Variants in RNF157 observed in about 807,000 individuals in gnomAD.
RNF157 encodes E3 ubiquitin ligase RNF157.
In RNF157, 55 loss-of-function variants were observed where a neutral mutation model predicts 88.3. The observed-to-expected ratio is 0.62, with a 90% CI of 0.50 to 0.78. RNF157 has a LOEUF of 0.78. Among genes scored for constraint, RNF157 ranks in the 30% least tolerant of loss-of-function variants. The pLI, the probability that RNF157 is intolerant of heterozygous loss-of-function variation, is 0.00. For synonymous variants in RNF157, 334 were observed against 341.2 expected (o/e 0.98, Z 0.23); for missense variants, 788 against 860.8 (o/e 0.92, Z 1.06).
In RNF157 at chr17:76,146,453, T is replaced by G. The variant is rs1483334739; in HGVS notation, c.1922-1100A>C. On this transcript the variant is annotated intron_variant, in intron 18 of 18. Coordinates refer to ENST00000269391, the MANE Select transcript of RNF157 (RefSeq NM_052916.3). This position sits in a 1 kb window ranked among gnomAD's most constrained non-coding sequence, Gnocchi z 4.2. Reference sequence around the variant, plus strand: ...AGATGAGCTCCTCCCTCCAGTGCCCTCCCTCCAGTGAGGCTAGGGCGCTCC... The same window carrying G: ...AGATGAGCTCCTCCCTCCAGTGCCCGCCCTCCAGTGAGGCTAGGGCGCTCC... 1 of 985,340 alleles carries G rather than the reference T, an allele frequency of 1.0e-6. No individual in the cohort carries two copies. The highest frequency in any genetic ancestry group is 1.7e-5 in the African/African-American group (1 of 57,220). 61.0% of individuals were successfully genotyped at this position (985,340 alleles called of 1,614,324 possible).
chr17:76,155,705 C>G lies in RNF157; in HGVS notation c.1555G>C (p.Val519Leu). 6.3e-7 allele frequency: 1 copy of G among 1,598,252 alleles called. No homozygotes were observed. Among genetic ancestry groups the G allele is most frequent in the Non-Finnish European group, 8.5e-7 (1 of 1,172,518 alleles). Reference sequence around the variant, plus strand: ...ATCTGGGAGGATGCCATGGACATGACAGACTGGGCCAAGCTGCTGCTGGCA... The same window carrying G: ...ATCTGGGAGGATGCCATGGACATGAGAGACTGGGCCAAGCTGCTGCTGGCA... ...GPASSSLAQS[V>L]MSMASSQIST... The change falls in exon 15 of 19, where the codon GTC (valine) becomes CTC (leucine). Residue 519 changes from valine (V) to leucine (L), a missense_variant. Physicochemically the swap from Val to Leu is conservative, Grantham distance 32. Transcript: ENST00000269391.
chr17:76,212,667 G>A (rs374973150), intron 1 of RNF157, among the ~76,000 whole-genome samples, 185 bp from the exon 2 acceptor site: 7 of 152,114 alleles, frequency 4.6e-5, no homozygotes, highest in East Asian at 3.9e-4. Context: ...TTCGAGACCA[G>A]CCTGGCCAAC....
rs773019051 is a variant in RNF157, at chr17:76,152,476, G to A, written c.1811-11C>T. On this transcript the variant is annotated splice_polypyrimidine_tract_variant and intron_variant, in intron 17 of 18. Coordinates refer to ENST00000269391, the MANE Select transcript of RNF157 (RefSeq NM_052916.3). ...CGCACGTCCTCTGGCCTGTAACGGA[G>A]TTAATGCAGTTAGAGAGGGGCTGGC... 13 of 1,543,846 alleles carry A rather than the reference G, an allele frequency of 8.4e-6. No homozygotes were observed. Among genetic ancestry groups the A allele is most frequent in the Middle Eastern group, 1.7e-4 (1 of 5,956 alleles).
In RNF157 at chr17:76,223,016, G is replaced by A. The variant is rs192589660; in HGVS notation, c.89-10534C>T. Among the ~76,000 whole-genome samples, 1,842 of 151,220 alleles carry A rather than the reference G, an allele frequency of 0.012. 76 individuals carry two copies. In the East Asian group the frequency reaches 0.14, roughly 11 times the overall value. ...CGCCGTTCTCCTGCCTCAGCCTTCC[G>A]AGTAGCTGGGACTACAGGCGCCCGC... On this transcript the variant is annotated intron_variant, in intron 1 of 18. Coordinates refer to ENST00000269391, the MANE Select transcript of RNF157 (RefSeq NM_052916.3).
intron 2 of RNF157, among the ~76,000 whole-genome samples, chr17:76,210,825 AAC>A (rs1446934471): frequency 6.6e-6 from 1 of 151,598 alleles, no homozygotes; most frequent in East Asian, 1.9e-4. Context: ...TTTTTTTTGA[AAC>A]AGAGTCTCAT....
intron 5 of RNF157, 51 bp from the exon 6 acceptor site, chr17:76,166,578 C>A: frequency 2.1e-6 from 3 of 1,404,940 alleles, no homozygotes; most frequent in Non-Finnish European, 3.0e-6. Flanking sequence ...AACACATTTA[C>A]ATGGCACAGC....
Position 76,146,864 on chromosome 17 carries a change from A to AC in RNF157, c.1922-1512dup. 1.0e-6 allele frequency: 1 copy of AC among 985,480 alleles called. No individual in the cohort carries two copies. Among genetic ancestry groups the AC allele is most frequent in the Non-Finnish European group, 1.2e-6 (1 of 829,938 alleles). The allele number at this position is 985,480 out of a possible 1,614,324, so 61.0% of individuals were successfully genotyped here. A position where few individuals can be genotyped will look rare whatever the true frequency, so the allele number is the denominator to read the frequency against. ...GCCGTGAGGTTGAGAGAGGCCACTC[A>AC]CAAGTGTCCAGGGTCAGCCTCAGGC... On this transcript the variant is annotated intron_variant, in intron 18 of 18. Coordinates refer to ENST00000269391, the MANE Select transcript of RNF157 (RefSeq NM_052916.3). The surrounding 1 kb of genome is among the most constrained non-coding windows in gnomAD (Gnocchi z 4.2).
At chr17:76,155,513 T>A in intron 15 of RNF157, 49 bp downstream of exon 15, 1 of 1,588,806 alleles carries the variant, frequency 6.3e-7, no homozygotes, top group South Asian at 1.1e-5. Flanking sequence ...ACTTTGGACA[T>A]GTGCACAAAG....
intron 4 of RNF157, 98 bp downstream of exon 4, chr17:76,167,553 T>G (rs910716910): frequency 1.3e-6 from 2 of 1,535,008 alleles, no homozygotes; most frequent in Non-Finnish European, 1.8e-6. Context: ...GTGGCTCGCC[T>G]GGTCTCCTGA....
Position 76,166,268 on chromosome 17 carries a change from C to A in RNF157, c.628+193G>T, listed in dbSNP as rs1002092615. On this transcript the variant is annotated intron_variant, in intron 6 of 18. Transcript: ENST00000269391. ...GGGATTATACGTGTGAGCCACTGTG[C>A]CCAGCCAAACCCACACTTTTCACAT... Among the ~76,000 whole-genome samples, 4 of 128,842 alleles carry A rather than the reference C, an allele frequency of 3.1e-5. No individual in the cohort carries two copies. In the East Asian group the frequency reaches 7.7e-4, roughly 25 times the overall value. 84.5% of individuals were successfully genotyped at this position (128,842 alleles called of 152,430 possible). A position where few individuals can be genotyped will look rare whatever the true frequency, so the allele number is the denominator to read the frequency against.
chr17:76,224,790 C>T (rs766016413), intron 1 of RNF157, among the ~76,000 whole-genome samples: 1 of 152,052 alleles, frequency 6.6e-6, no homozygotes, highest in Non-Finnish European at 1.5e-5. Context: ...TTGTGTTGCG[C>T]TGCATTCAAA....
intron 1 of RNF157, among the ~76,000 whole-genome samples, chr17:76,224,468 T>C (rs1296499594): frequency 1.3e-5 from 2 of 152,160 alleles, no homozygotes; most frequent in Non-Finnish European, 2.9e-5. Context: ...AAAATCTTCA[T>C]CTACATGACA....
intron 2 of RNF157, among the ~76,000 whole-genome samples, chr17:76,210,022 T>G (rs1159436394): frequency 6.6e-6 from 1 of 151,978 alleles, no homozygotes; most frequent in Non-Finnish European, 1.5e-5. Flanking sequence ...CCTCCCAGAG[T>G]GCTGGGATTA....
At position 76,155,234 on chromosome 17, in the gene RNF157, C is replaced by A. The variant is rs1220637007; in HGVS notation, c.1764+18G>T. ...CTGGTTGTGGGAAGGGGGCACCACT[C>A]CGTGCTGTTGGGGTTACCTCTGCAT... On this transcript the variant is annotated intron_variant, in intron 16 of 18. Transcript: ENST00000269391. 6 of 1,612,306 alleles carry A rather than the reference C, an allele frequency of 3.7e-6. No individual in the cohort carries two copies. The highest frequency in any genetic ancestry group is 5.1e-6 in the Non-Finnish European group (6 of 1,178,332).
chr17:76,200,921 C>T (rs542845553), intron 2 of RNF157, among the ~76,000 whole-genome samples: 1 of 152,202 alleles, frequency 6.6e-6, no homozygotes, highest in East Asian at 1.9e-4. Context: ...CCCATGCTTA[C>T]TCTGGTTTTC....
chr17:76,152,688 C>T, intron 17 of RNF157: 1 of 478,830 alleles, frequency 2.1e-6, no homozygotes, highest in South Asian at 2.1e-5. Flanking sequence ...CCCTTTCTGT[C>T]TGCTGCTCCC....
intron 2 of RNF157, among the ~76,000 whole-genome samples, chr17:76,182,142 T>A (rs1216666591): frequency 6.6e-6 from 1 of 152,112 alleles, no homozygotes; most frequent in African/African-American, 2.4e-5. Flanking sequence ...GTGTCTGTCC[T>A]GAAGTAAGCC....
chr17:76,204,334 C>A (rs930397342), intron 2 of RNF157, among the ~76,000 whole-genome samples: 5 of 152,234 alleles, frequency 3.3e-5, no homozygotes, highest in Non-Finnish European at 7.3e-5. Flanking sequence ...GAAGCCCCTT[C>A]CCTGGAGAGA....
intron 1 of RNF157, among the ~76,000 whole-genome samples, chr17:76,235,668 G>A (rs1365706817): frequency 6.6e-6 from 1 of 152,124 alleles, no homozygotes; most frequent in Non-Finnish European, 1.5e-5. Context: ...AAGAATATGT[G>A]TACTCTAAAA....
Sources: allele counts gnomAD v4.1 joint callset (sites outside exome capture counted in the v4.1 genomes callset), GRCh38; gene constraint gnomAD v4.1.1; non-coding constraint Gnocchi (gnomAD v3.1); transcripts MANE v1.5; gene names NCBI Gene and HGNC (gene_info 2026-07-23, HGNC 2026-07-21).